The following ENO4 variants were observed in gnomAD, a reference collection of about 807,000 sequenced individuals.
ENO4 encodes the protein 2-phospho-D-glycerate hydro-lyase.
In ENO4, 53 loss-of-function variants were observed where a neutral mutation model predicts 63.2. The observed-to-expected ratio is 0.84, with a 90% CI of 0.67 to 1.05. The LOEUF is 1.05. Among genes scored for constraint, ENO4 ranks in the 50% least tolerant of loss-of-function variants. The pLI, the probability that ENO4 is intolerant of heterozygous loss-of-function variation, is 0.00. For synonymous variants in ENO4, 266 were observed against 283.8 expected (o/e 0.94, Z 0.63); for missense variants, 719 against 772.0 (o/e 0.93, Z 0.81).
At chr10:116,885,794 C>T (rs1486973356), downstream of ENO4, 2 of 154,062 alleles carry the variant, frequency 1.3e-5, no homozygotes, top group African/African-American at 2.4e-5. Context: ...TATGGGACTA[C>T]GAGTTTGATG....
chr10:116,878,913 T>C (rs1278544294), intron 11 of ENO4, among the ~76,000 whole-genome samples: 1 of 151,930 alleles, frequency 6.6e-6, no homozygotes, highest in East Asian at 1.9e-4. Context: ...CCGGCTAATT[T>C]TTTGTATTTT....
chr10:116,878,899 A>G (rs544034731), intron 11 of ENO4, among the ~76,000 whole-genome samples: 71 of 151,932 alleles, frequency 4.7e-4, no homozygotes, highest in African/African-American at 1.6e-3. Context: ...GCCTACCACC[A>G]CGCCCGGCTA....
At chr10:116,888,981 C>T (rs1207627797) in intron 10 of ENO4, among the ~76,000 whole-genome samples, 1 of 152,252 alleles carries the variant, frequency 6.6e-6, no homozygotes, top group African/African-American at 2.4e-5. Context: ...GAAGGTTTCA[C>T]CATCTTGGGC....
chr10:116,873,591 C>T (rs1331582139), intron 9 of ENO4, among the ~76,000 whole-genome samples: 2 of 152,202 alleles, frequency 1.3e-5, no homozygotes, highest in Non-Finnish European at 2.9e-5. Flanking sequence ...TTATTTTTCA[C>T]ACTGGTTGTT....
In ENO4 at chr10:116,856,587, G is replaced by A. The variant is rs929435301; in HGVS notation, c.390G>A (p.Ala130=). The A allele has an allele frequency of 4.9e-5, 75 of 1,536,012 alleles. No homozygotes were observed. The highest frequency in any genetic ancestry group is 1.6e-4 in the Admixed American group (8 of 50,978). The part of the protein sequence containing the change: ...AKAEEAERAS[A]VSTAVQWVNS... Reference sequence around the variant, plus strand: ...CGGAGGAGGCAGAGAGGGCCAGCGCGGTGAGCACCGCCGTGCAGTGGGTCA... The same window carrying A: ...CGGAGGAGGCAGAGAGGGCCAGCGCAGTGAGCACCGCCGTGCAGTGGGTCA... The change falls in exon 3 of 14, where the codon GCG becomes GCA. Residue 130 remains alanine, a synonymous_variant. Transcript: ENST00000341276.
Position 116,876,274 on chromosome 10 carries a change from T to C in ENO4, c.1537+14T>C. 2 of 1,522,634 alleles carry C rather than the reference T, an allele frequency of 1.3e-6. No homozygotes were observed. Among genetic ancestry groups the C allele is most frequent in the African/African-American group, 1.4e-5 (1 of 71,858 alleles). The allele number at this position is 1,522,634 out of a possible 1,614,324, so 94.3% of individuals were successfully genotyped here. Reference sequence around the variant, plus strand: ...ATCTGATTGACAGTGAGTAAAAGCATACATCTGAAAGACTCGTAATGACTT... The same window carrying C: ...ATCTGATTGACAGTGAGTAAAAGCACACATCTGAAAGACTCGTAATGACTT... On this transcript the variant is annotated intron_variant, in intron 11 of 13. Transcript: ENST00000341276.
At chr10:116,879,411 T>C in intron 12 of ENO4, 53 bp downstream of exon 12, 1 of 1,362,450 alleles carries the variant, frequency 7.3e-7, no homozygotes. Context: ...CACGAATTGG[T>C]ATTTCAGAGA....
chr10:116,855,493 G>C, intron 1 of ENO4, 130 bp from the exon 2 acceptor site: 3 of 1,140,032 alleles, frequency 2.6e-6, no homozygotes, highest in South Asian at 1.4e-5. Context: ...GAATACTCGC[G>C]GAGAGGTTTG....
intron 10 of ENO4, among the ~76,000 whole-genome samples, chr10:116,906,997 C>G (rs1847993882): frequency 6.6e-6 from 1 of 152,158 alleles, no homozygotes; most frequent in African/African-American, 2.4e-5. Context: ...AAGAACACTT[C>G]TGGAAGAGGT....
At position 116,899,618 on chromosome 10, in the gene ENO4, C is replaced by T. The variant is rs531017626; in HGVS notation, c.1195-11881C>T. On this transcript the variant is annotated intron_variant, in intron 10 of 10. Coordinates refer to the ENO4 transcript ENST00000369207. ...AGAGCCGACTGTCATTGGCATCCTC[C>T]CTTGACCTTGATTCAGGTCAAGAGC... 2.6e-5 allele frequency among the ~76,000 whole-genome samples: 4 copies of T among 151,724 alleles called. No homozygotes were observed. The East Asian group carries it at 5.8e-4, about 22-fold the overall frequency.
intron 10 of ENO4, chr10:116,911,448 T>C: frequency 6.5e-7 from 1 of 1,545,710 alleles, no homozygotes; most frequent in Non-Finnish European, 8.7e-7. Context: ...ATTATTCATC[T>C]ATTATATTTC....
intron 10 of ENO4, among the ~76,000 whole-genome samples, chr10:116,897,619 T>C (rs1250275301): frequency 6.6e-6 from 1 of 152,230 alleles, no homozygotes; most frequent in Admixed American, 6.5e-5. Context: ...TAAGATAAGA[T>C]AGGAAAGGAA....
intron 10 of ENO4, among the ~76,000 whole-genome samples, chr10:116,898,725 TTTC>T (rs1210023996): frequency 1.4e-4 from 22 of 152,280 alleles, no homozygotes; most frequent in Non-Finnish European, 2.4e-4. Flanking sequence ...TTCCTTTCTT[TTTC>T]TTCTTTTTTC....
At chr10:116,878,910 A>AG (rs1554903538) in intron 11 of ENO4, among the ~76,000 whole-genome samples, 1 of 151,634 alleles carries the variant, frequency 6.6e-6, no homozygotes, top group Admixed American at 6.6e-5. Flanking sequence ...CGCCCGGCTA[A>AG]TTTTTTGTAT....
intron 10 of ENO4, among the ~76,000 whole-genome samples, chr10:116,902,793 T>C (rs1475919721): frequency 6.6e-6 from 1 of 152,236 alleles, no homozygotes; most frequent in Non-Finnish European, 1.5e-5. Flanking sequence ...AGTGAGAGGA[T>C]AACCTTGAAA....
At chr10:116,879,623 C>T (rs1441660361) in intron 12 of ENO4, among the ~76,000 whole-genome samples, 1 of 152,162 alleles carries the variant, frequency 6.6e-6, no homozygotes, top group African/African-American at 2.4e-5. Context: ...AAGGCCAGAA[C>T]GTTCTTACAT....
intron 10 of ENO4, chr10:116,906,713 A>G (rs777896853): frequency 6.2e-7 from 1 of 1,613,134 alleles, no homozygotes; most frequent in Non-Finnish European, 8.5e-7. Flanking sequence ...AAGGGATTTT[A>G]AGCTTCTTGA....
intron 10 of ENO4, among the ~76,000 whole-genome samples, chr10:116,892,601 T>C (rs1184499326): frequency 6.6e-6 from 1 of 152,240 alleles, no homozygotes; most frequent in Non-Finnish European, 1.5e-5. Flanking sequence ...TTCTATGTTT[T>C]CAGGAAAATA....
At chr10:116,868,227 C>T (rs1008027403) in intron 7 of ENO4, among the ~76,000 whole-genome samples, 1 of 152,188 alleles carries the variant, frequency 6.6e-6, no homozygotes. Context: ...ATATGTTGGG[C>T]CTGTAAAAGC....
Sources: allele counts gnomAD v4.1 joint callset (sites outside exome capture counted in the v4.1 genomes callset), GRCh38; gene constraint gnomAD v4.1.1; transcripts MANE v1.5; gene names NCBI Gene and HGNC (gene_info 2026-07-23, HGNC 2026-07-21).